Variants in MGAM observed in about 807,000 individuals in gnomAD.
MGAM encodes maltase-glucoamylase.
In MGAM, 253 loss-of-function variants were observed where a neutral mutation model predicts 358.8. The observed-to-expected ratio is 0.71, with a 90% CI of 0.64 to 0.78. MGAM has a LOEUF of 0.78. Among genes scored for constraint, MGAM ranks in the 30% least tolerant of loss-of-function variants. The pLI is 0.00. For synonymous variants in MGAM, 1,105 were observed against 1,227.1 expected, an observed-to-expected ratio of 0.90 and a Z score of 2.08; for missense variants, 3,080 against 3,432.6, an observed-to-expected ratio of 0.90 and a Z score of 2.57.
intron 21 of MGAM, among the ~76,000 whole-genome samples, chr7:142,046,816 G>C (rs977952210): frequency 3.9e-5 from 6 of 152,052 alleles, no homozygotes; most frequent in South Asian, 2.1e-4. Context: ...TGGACTCCTA[G>C]AATATCCTAA....
At chr7:142,025,615 C>T (rs1192494629) in intron 8 of MGAM, among the ~76,000 whole-genome samples, 1 of 152,106 alleles carries the variant, frequency 6.6e-6, no homozygotes, top group Non-Finnish European at 1.5e-5. Flanking sequence ...AATCAGTGCT[C>T]CTCAAAGTGT....
chr7:142,034,311 G>A lies in MGAM; in HGVS notation c.1719G>A (p.Val573=). The A allele has an allele frequency of 1.3e-6, 2 of 1,599,798 alleles. No individual in the cohort carries two copies. The highest frequency in any genetic ancestry group is 1.1e-5 in the South Asian group (1 of 88,218). ...LFCKTLCMDA[V]QHWGKQYDIH... ...GCAAGACTCTCTGTATGGATGCAGTGCAGCACTGGGGCAAGCAGTATGACA... is the reference window on the plus strand; with the variant it reads ...GCAAGACTCTCTGTATGGATGCAGTACAGCACTGGGGCAAGCAGTATGACA... The change falls in exon 15 of 71, where the codon GTG becomes GTA. Residue 573 remains valine, a synonymous_variant. Transcript: ENST00000475668.
intron 1 of MGAM, among the ~76,000 whole-genome samples, chr7:142,000,387 T>G (rs1406842577): frequency 1.3e-5 from 2 of 152,142 alleles, no homozygotes; most frequent in African/African-American, 4.8e-5. Context: ...GCATGGTAAC[T>G]GGTTTCTTCA....
At chr7:142,065,548 A>G (rs759575841) in intron 38 of MGAM, 40 bp from the exon 39 acceptor site, 7 of 1,613,868 alleles carry the variant, frequency 4.3e-6, no homozygotes, top group African/African-American at 2.7e-5. Flanking sequence ...GAGGCAGATC[A>G]TGAGAGCCTG....
chr7:142,068,748 A>G (rs1282429111), intron 43 of MGAM, 45 bp downstream of exon 43: 4 of 1,387,500 alleles, frequency 2.9e-6, no homozygotes, highest in African/African-American at 1.4e-5. Context: ...TGTGGTAGAG[A>G]GTACAAAGGC....
At chr7:142,098,507 G>A (rs796489794) in intron 66 of MGAM, among the ~76,000 whole-genome samples, 4 of 152,200 alleles carry the variant, frequency 2.6e-5, no homozygotes, top group African/African-American at 9.6e-5. Context: ...TCATCCAAGG[G>A]GATTGCAGTG....
At chr7:142,029,864 C>T (rs571528475) in intron 10 of MGAM, among the ~76,000 whole-genome samples, 205 of 152,232 alleles carry the variant, frequency 1.3e-3, no homozygotes, top group African/African-American at 4.7e-3. Context: ...ACATTTTATT[C>T]TGGGCTTCAC....
At chr7:141,999,150 A>G (rs1171917028) in intron 1 of MGAM, among the ~76,000 whole-genome samples, 1 of 152,116 alleles carries the variant, frequency 6.6e-6, no homozygotes, top group Non-Finnish European at 1.5e-5. Flanking sequence ...TGCTTGGCAC[A>G]TTGTAGGAAC....
At chr7:142,080,508 A>G (rs1477405118) in intron 49 of MGAM, among the ~76,000 whole-genome samples, 1 of 146,390 alleles carries the variant, frequency 6.8e-6, no homozygotes, top group Non-Finnish European at 1.5e-5. Flanking sequence ...AACAAGTAAC[A>G]TATTCATAAA....
At chr7:142,104,672 A>C (rs1286066800) in intron 70 of MGAM, among the ~76,000 whole-genome samples, 1 of 152,232 alleles carries the variant, frequency 6.6e-6, no homozygotes, top group Non-Finnish European at 1.5e-5. Context: ...AATGAAGCTT[A>C]CACAGGCACA....
At chr7:142,019,152 A>T (rs3793158) in intron 3 of MGAM, 47 bp from the exon 4 acceptor site, 1 of 1,588,314 alleles carries the variant, frequency 6.3e-7, no homozygotes, top group South Asian at 1.1e-5. Flanking sequence ...ATAAATGATC[A>T]TGTTCTACAA....
At chr7:142,073,424 T>C (rs1457035397) in intron 44 of MGAM, among the ~76,000 whole-genome samples, 1 of 146,156 alleles carries the variant, frequency 6.8e-6, no homozygotes, top group African/African-American at 2.4e-5. Context: ...AGAGGTTGCC[T>C]AGAGAGTGAC....
chr7:142,034,452 A>G, intron 15 of MGAM, 73 bp downstream of exon 15: 12 of 1,170,756 alleles, frequency 1.0e-5, no homozygotes, highest in Non-Finnish European at 1.4e-5. Flanking sequence ...ATTCTTGGAG[A>G]TTATGGGGCT....
intron 12 of MGAM, among the ~76,000 whole-genome samples, chr7:142,031,478 A>G (rs1053077128): frequency 6.6e-6 from 1 of 152,158 alleles, no homozygotes; most frequent in African/African-American, 2.4e-5. Flanking sequence ...GGACTTAAAC[A>G]TTTTTTTAAA....
upstream of MGAM, among the ~76,000 whole-genome samples, chr7:141,992,454 G>A (rs10234068): frequency 0.045 from 6,896 of 152,180 alleles, 403 homozygotes; most frequent in African/African-American, 0.13. Flanking sequence ...CTTTAAGGGC[G>A]ATACCAAACA....
At chr7:142,067,470 G>C in intron 42 of MGAM, 45 bp downstream of exon 42, 1 of 1,470,564 alleles carries the variant, frequency 6.8e-7, no homozygotes, top group Non-Finnish European at 9.5e-7. Context: ...CAGCTGTGAG[G>C]CTTGGGGAAA....
At chr7:142,018,121 A>T (rs1378404688) in intron 3 of MGAM, among the ~76,000 whole-genome samples, 1 of 152,240 alleles carries the variant, frequency 6.6e-6, no homozygotes, top group Non-Finnish European at 1.5e-5. Context: ...CTGTAGTCAG[A>T]CATCTGACCT....
chr7:142,085,427 C>T (rs1814659012), intron 54 of MGAM, among the ~76,000 whole-genome samples: 1 of 145,594 alleles, frequency 6.9e-6, no homozygotes, highest in African/African-American at 2.4e-5. Flanking sequence ...GTAGATTTAC[C>T]ATCCACATTG....
At position 142,034,349 on chromosome 7, in the gene MGAM, A is replaced by G. The variant is rs1554464981; in HGVS notation, c.1757A>G (p.Tyr586Cys). 1.9e-6 allele frequency: 3 copies of G among 1,592,820 alleles called. No homozygotes were observed. Among genetic ancestry groups the G allele is most frequent in the Admixed American group, 1.8e-5 (1 of 56,910 alleles). ...AAGCAGTATGACATTCACAATCTGTATGGCTACTCCATGGCGGTCGCCACA... is the reference window on the plus strand; with the variant it reads ...AAGCAGTATGACATTCACAATCTGTGTGGCTACTCCATGGCGGTCGCCACA... ...WGKQYDIHNL[Y>C]GYSMAVATAE... The change falls in exon 15 of 71, where the codon TAT becomes TGT. Residue 586 changes from tyrosine to cysteine, a missense_variant. Tyr to Cys is a radical substitution (Grantham distance 194). This residue lies in a region of MGAM where 1,816 missense variants were observed against 1,840.5 expected (regional missense o/e 0.99). Coordinates refer to ENST00000475668, the MANE Select transcript of MGAM (RefSeq NM_001365693.1).
Sources: allele counts gnomAD v4.1 joint callset (sites outside exome capture counted in the v4.1 genomes callset), GRCh38; gene constraint gnomAD v4.1.1; regional missense constraint gnomAD v4.1.1; transcripts MANE v1.5; gene names NCBI Gene and HGNC (gene_info 2026-07-23, HGNC 2026-07-21).